MCF2L: variants seen among roughly 807,000 people sequenced by gnomAD.
MCF2L encodes the protein guanine nucleotide exchange factor DBS.
MCF2L carries 97 observed loss-of-function variants against 153.4 expected under a neutral mutation model. The ratio of observed to expected loss-of-function variants is 0.63; its 90% CI spans 0.54 to 0.75. The LOEUF is 0.75. Among genes scored for constraint, MCF2L ranks in the 30% least tolerant of loss-of-function variants. The pLI, the probability that MCF2L is intolerant of heterozygous loss-of-function variation, is 0.00. For synonymous variants in MCF2L, 659 were observed against 632.2 expected, an observed-to-expected ratio of 1.04 and a Z score of -0.64; for missense variants, 1,347 against 1,495.2, an observed-to-expected ratio of 0.90 and a Z score of 1.64.
intron 1 of MCF2L, among the ~76,000 whole-genome samples, chr13:113,006,549 C>T (rs1419884873): frequency 2.6e-5 from 4 of 152,176 alleles, no homozygotes; most frequent in African/African-American, 4.8e-5. Flanking sequence ...ACCCCTCCTG[C>T]GGACAGGAGG....
At chr13:112,971,931 C>T (rs1313827968) in intron 1 of MCF2L, among the ~76,000 whole-genome samples, 1 of 152,238 alleles carries the variant, frequency 6.6e-6, no homozygotes, top group African/African-American at 2.4e-5. Flanking sequence ...TTCGATGAAA[C>T]AGAACAGTGG....
rs1243540412 is a variant in MCF2L, at chr13:113,045,212, C to T, written c.279-59C>T. 9.6e-6 allele frequency: 13 copies of T among 1,351,220 alleles called. No individual in the cohort carries two copies. Among genetic ancestry groups the T allele is most frequent in the Admixed American group, 6.7e-5 (4 of 59,616 alleles). The allele number at this position is 1,351,220 out of a possible 1,614,324, so 83.7% of individuals were successfully genotyped here. The stretch of plus-strand genomic sequence containing the variant: ...TCCCAAGAGGTTTTCTGAGGGATTT[C>T]GTGGGCAGCCGGCTTCCCACCTGCA... On this transcript the variant is annotated intron_variant, in intron 3 of 29. Coordinates refer to ENST00000535094, the MANE Select transcript of MCF2L (RefSeq NM_001112732.3). The surrounding 1 kb of genome is among the most constrained non-coding windows in gnomAD (Gnocchi z 4.2).
intron 21 of MCF2L, 78 bp from the exon 22 acceptor site, chr13:113,087,157 C>A: frequency 7.8e-7 from 1 of 1,280,052 alleles, no homozygotes; most frequent in Non-Finnish European, 1.1e-6. Flanking sequence ...TGCAGAGTGG[C>A]TGCTTTCACT....
rs1310099031 is a variant in MCF2L at position 113,064,953 on chromosome 13, C to T, written c.624C>T (p.Ala208=). The T allele has an allele frequency of 6.2e-7, 1 of 1,612,954 alleles. No individual in the cohort carries two copies. ...LCQRTAIESF[A]LMVKQTAQML... ...TCCCCAAGGCCATCGAAAGTTTCGC[C>T]CTCATGGTGAAGCAGACGGCTCAGA... Residue 208 remains alanine, a synonymous_variant, in exon 7 of 30, where the codon GCC becomes GCT. Coordinates refer to ENST00000535094, the MANE Select transcript of MCF2L (RefSeq NM_001112732.3). This position sits in a 1 kb window ranked among gnomAD's most constrained non-coding sequence, Gnocchi z 6.0.
Position 112,960,034 on chromosome 13 carries a change from A to G in MCF2L, c.170-54729A>G, listed in dbSNP as rs2081805496. ...TGCGGCAGAGGTGCCTGTGTCACCG[A>G]GGTCCCTCGGTAACTTCAGGGCAGA... On this transcript the variant is annotated intron_variant, in intron 2 of 29. Coordinates refer to the MCF2L transcript ENST00000375608. This position sits in a 1 kb window ranked among gnomAD's most constrained non-coding sequence, Gnocchi z 4.2. Among the ~76,000 whole-genome samples, 1 of 152,250 alleles carries G rather than the reference A, an allele frequency of 6.6e-6. No homozygotes were observed. Among genetic ancestry groups the G allele is most frequent in the Admixed American group, 6.5e-5 (1 of 15,290 alleles).
At chr13:113,084,762 C>G (rs117061421) in intron 18 of MCF2L, 130 bp from the exon 19 acceptor site, 3 of 737,318 alleles carry the variant, frequency 4.1e-6, no homozygotes, top group Admixed American at 4.2e-5. Flanking sequence ...GCAGCAATGC[C>G]TCGCAGGGCC....
chr13:112,911,652 C>G (rs1021963256), intron 2 of MCF2L, among the ~76,000 whole-genome samples: 12 of 152,254 alleles, frequency 7.9e-5, no homozygotes, highest in African/African-American at 2.4e-4. Context: ...GCCCGGCACC[C>G]CCTTCTGTGT....
chr13:112,924,741 T>G (rs2140584276), intron 2 of MCF2L, among the ~76,000 whole-genome samples: 1 of 152,232 alleles, frequency 6.6e-6, no homozygotes, highest in South Asian at 2.1e-4. Context: ...GACAAGTTGA[T>G]CATAAAACCC....
intron 11 of MCF2L, among the ~76,000 whole-genome samples, 191 bp downstream of exon 11, chr13:113,075,380 T>C (rs1192406448): frequency 8.4e-6 from 1 of 119,588 alleles, no homozygotes; most frequent in Non-Finnish European, 1.8e-5. Flanking sequence ...ACAGTTTTAT[T>C]TCTTTTTTTT....
At chr13:113,058,416 G>GTGTT in intron 4 of MCF2L, among the ~76,000 whole-genome samples, 1 of 149,198 alleles carries the variant, frequency 6.7e-6, no homozygotes, top group South Asian at 2.2e-4. Context: ...TGGGTGCTGA[G>GTGTT]TGGGTGCTGT....
At chr13:112,934,855 C>T (rs1367923216) in intron 2 of MCF2L, among the ~76,000 whole-genome samples, 2 of 152,206 alleles carry the variant, frequency 1.3e-5, no homozygotes, top group Non-Finnish European at 2.9e-5. Flanking sequence ...GCGCCCCCGC[C>T]ACTCCCTGCA....
In MCF2L at chr13:113,045,672, T is replaced by G; in HGVS notation, c.369+311T>G. The G allele has an allele frequency of 2.4e-6, 1 of 419,602 alleles. No individual in the cohort carries two copies. The highest frequency in any genetic ancestry group is 4.4e-6 in the Non-Finnish European group (1 of 228,204). 26.0% of individuals were successfully genotyped at this position (419,602 alleles called of 1,614,324 possible). On this transcript the variant is annotated intron_variant, in intron 4 of 29. Transcript: ENST00000535094. The surrounding 1 kb of genome is among the most constrained non-coding windows in gnomAD (Gnocchi z 4.2). Reference sequence around the variant, plus strand: ...TGAGATGCTCGGGACTGAATATGCCTCTTACATATTTATACATTAGTGATT... The same window carrying G: ...TGAGATGCTCGGGACTGAATATGCCGCTTACATATTTATACATTAGTGATT...
intron 1 of MCF2L, among the ~76,000 whole-genome samples, chr13:112,987,165 C>G (rs975031266): frequency 1.3e-5 from 2 of 152,156 alleles, no homozygotes; most frequent in Admixed American, 6.5e-5. Flanking sequence ...GGGCCGCAGA[C>G]AGCACGGGCC....
chr13:113,047,851 C>G (rs113589375), intron 4 of MCF2L, among the ~76,000 whole-genome samples: 20 of 75,676 alleles, frequency 2.6e-4, no homozygotes, highest in African/African-American at 6.7e-4. Context: ...CCCCTCTGCT[C>G]ACGCCTCACT....
At position 113,001,995 on chromosome 13, in the gene MCF2L, G is replaced by A. The variant is rs139685067; in HGVS notation, c.80-12768G>A. On this transcript the variant is annotated intron_variant, in intron 1 of 29. Coordinates refer to ENST00000535094, the MANE Select transcript of MCF2L (RefSeq NM_001112732.3). ...GAAGGCCGGCGCAGGTGCGTGGGGC[G>A]CGGGCGGGTCCTCGCCTCCCCGGAA... 2.2e-3 allele frequency: 3,448 copies of A among 1,565,528 alleles called. 20 individuals carry two copies. The highest frequency in any genetic ancestry group is 0.011 in the South Asian group (909 of 85,664).
chr13:112,982,029 G>C (rs1213660056), intron 1 of MCF2L, among the ~76,000 whole-genome samples: 2 of 152,218 alleles, frequency 1.3e-5, no homozygotes, highest in Non-Finnish European at 1.5e-5. Context: ...TGGACCTGAA[G>C]GTTGTGGGAA....
intron 1 of MCF2L, among the ~76,000 whole-genome samples, chr13:112,971,181 C>T (rs557220262): frequency 6.6e-6 from 1 of 152,298 alleles, no homozygotes; most frequent in Non-Finnish European, 1.5e-5. Context: ...GCAGTATTGA[C>T]ATGATGCTAC....
intron 4 of MCF2L, among the ~76,000 whole-genome samples, chr13:113,050,078 C>T (rs1471516109): frequency 1.3e-5 from 2 of 152,100 alleles, no homozygotes; most frequent in African/African-American, 2.4e-5. Context: ...GGCAGTTGTG[C>T]GGTCCTCAGA....
chr13:113,085,535 CCATGTGGGTCCCTCTAACCTTCAGG>C (rs1403194597), intron 20 of MCF2L, among the ~76,000 whole-genome samples: 1 of 152,214 alleles, frequency 6.6e-6, no homozygotes, highest in Admixed American at 6.5e-5. Flanking sequence ...TATGAGTTTG[CCATGTGGGTCCCTCTAACCTTCAGG>C]CAGGAAACTG....
Sources: allele counts gnomAD v4.1 joint callset (sites outside exome capture counted in the v4.1 genomes callset), GRCh38; gene constraint gnomAD v4.1.1; non-coding constraint Gnocchi (gnomAD v3.1); transcripts MANE v1.5; gene names NCBI Gene and HGNC (gene_info 2026-07-23, HGNC 2026-07-21).